The following SMURF2 variants were observed in gnomAD, a reference collection of about 807,000 sequenced individuals.
SMURF2 encodes the protein E3 ubiquitin-protein ligase SMURF2.
Under a neutral mutation model 109.6 loss-of-function variants are expected in SMURF2, and 48 were observed. The observed-to-expected ratio is 0.44, with a 90% CI of 0.35 to 0.56. SMURF2 has a LOEUF of 0.56. Among genes scored for constraint, SMURF2 ranks in the 20% least tolerant of loss-of-function variants. The pLI is 0.01. For synonymous variants in SMURF2, 288 were observed against 317.1 expected, an observed-to-expected ratio of 0.91 and a Z score of 0.97; for missense variants, 575 against 909.0, an observed-to-expected ratio of 0.63 and a Z score of 4.72.
chr17:64,561,554 C>T lies in SMURF2; in HGVS notation c.1262G>A (p.Arg421Gln), dbSNP rs781853124. ...TTCTCCACGAAATTTTATCATTAAT[C>T]GCTTCCAGAGATCTTTTGGTCTCAT... ...MKMRPKDLWKRLMIKFRGEEG... is the reference protein window; with the variant it reads ...MKMRPKDLWKQLMIKFRGEEG... Residue 421 changes from arginine (R) to glutamine (Q), a missense_variant, in exon 12 of 19, where the codon CGA (arginine) becomes CAA (glutamine). Physicochemically the swap from Arg to Gln is conservative, Grantham distance 43. This residue lies in a region of SMURF2 where 361 missense variants were observed against 612.1 expected (regional missense o/e 0.59). Transcript: ENST00000262435. 3.7e-6 allele frequency: 6 copies of T among 1,613,674 alleles called. No homozygotes were observed. The highest frequency in any genetic ancestry group is 1.7e-4 in the Middle Eastern group (1 of 6,044).
At chr17:64,606,721 C>T (rs1969976384) in intron 1 of SMURF2, 81 bp from the exon 2 acceptor site, 5 of 1,032,124 alleles carry the variant, frequency 4.8e-6, no homozygotes, top group African/African-American at 1.7e-5. Flanking sequence ...ACACGGAAAA[C>T]AGCAGTGAAT....
intron 1 of SMURF2, among the ~76,000 whole-genome samples, chr17:64,625,123 G>A (rs190119638): frequency 1.4e-3 from 213 of 152,298 alleles, no homozygotes; most frequent in African/African-American, 5.0e-3. Context: ...AACAATCTCA[G>A]TTTCTGAGGC....
At chr17:64,571,722 CATTT>C in intron 10 of SMURF2, 72 bp downstream of exon 10, 1 of 1,418,632 alleles carries the variant, frequency 7.0e-7, no homozygotes, top group Non-Finnish European at 9.5e-7. Flanking sequence ...TCGAGACTCA[CATTT>C]ATTATTAAAA....
Position 64,590,182 on chromosome 17 carries a change from A to T in SMURF2, c.400+902T>A, listed in dbSNP as rs544544124. Reference sequence around the variant, plus strand: ...TTTGAGACAGGGTCTTGCTCTTGTCACCCAGCTGGAGTGCAATGGTGTGAT... The same window carrying T: ...TTTGAGACAGGGTCTTGCTCTTGTCTCCCAGCTGGAGTGCAATGGTGTGAT... On this transcript the variant is annotated intron_variant, in intron 5 of 18. Transcript: ENST00000262435. 2.9e-5 allele frequency among the ~76,000 whole-genome samples: 4 copies of T among 136,642 alleles called. No homozygotes were observed. In the Admixed American group the frequency reaches 3.2e-4, roughly 11 times the overall value. 89.6% of individuals were successfully genotyped at this position (136,642 alleles called of 152,430 possible).
At chr17:64,586,057 C>A (rs377753555) in intron 6 of SMURF2, 29 bp downstream of exon 6, 2 of 1,445,162 alleles carry the variant, frequency 1.4e-6, no homozygotes, top group Non-Finnish European at 1.9e-6. Context: ...CTATATATTT[C>A]TCTAATGATT....
intron 3 of SMURF2, among the ~76,000 whole-genome samples, chr17:64,595,069 T>G (rs1276599430): frequency 6.6e-6 from 1 of 152,162 alleles, no homozygotes; most frequent in African/African-American, 2.4e-5. Context: ...GAAATACATA[T>G]ATTGATTACC....
chr17:64,584,301 A>G (rs1969617366), intron 6 of SMURF2, among the ~76,000 whole-genome samples: 1 of 144,122 alleles, frequency 6.9e-6, no homozygotes, highest in African/African-American at 2.7e-5. Context: ...CAGGGTGACA[A>G]GAGCGAAACT....
intron 9 of SMURF2, chr17:64,572,817 C>G (rs1322005395): frequency 6.6e-6 from 1 of 152,044 alleles, no homozygotes; most frequent in African/African-American, 2.4e-5. Context: ...CTGTAATAAA[C>G]TGGCAATAGA....
intron 15 of SMURF2, among the ~76,000 whole-genome samples, chr17:64,552,757 A>T (rs1005464124): frequency 6.6e-6 from 1 of 152,104 alleles, no homozygotes; most frequent in Admixed American, 6.6e-5. Flanking sequence ...AGGCTGGAAT[A>T]CAGTGGTGCG....
Position 64,551,573 on chromosome 17 carries a change from A to G in SMURF2, c.1869+11T>C, listed in dbSNP as rs1228258592. ...GTTACACTAGTGATGTTATAATACT[A>G]ATGCACTAACCTCTAACTCCTTCTC... On this transcript the variant is annotated intron_variant, in intron 16 of 18. Coordinates refer to ENST00000262435, the MANE Select transcript of SMURF2 (RefSeq NM_022739.4). 2 of 1,613,122 alleles carry G rather than the reference A, an allele frequency of 1.2e-6. No individual in the cohort carries two copies. Among genetic ancestry groups the G allele is most frequent in the East Asian group, 2.2e-5 (1 of 44,850 alleles).
chr17:64,644,618 A>G (rs549218783), intron 1 of SMURF2, among the ~76,000 whole-genome samples: 12 of 151,704 alleles, frequency 7.9e-5, no homozygotes, highest in Admixed American at 7.9e-4. Flanking sequence ...GAAAAAAAAA[A>G]AAATGCTGAG....
At chr17:64,566,575 T>TTTTTTTTTTTTG (rs1192255959) in intron 10 of SMURF2, among the ~76,000 whole-genome samples, 1,159 of 103,198 alleles carry the variant, frequency 0.011, 110 homozygotes, top group Non-Finnish European at 0.021. Flanking sequence ...TTTTTTTTTT[T>TTTTTTTTTTTTG]TTTTTTTTTT....
Position 64,598,431 on chromosome 17 carries a change from C to T in SMURF2, c.151G>A (p.Asp51Asn). Reference sequence around the variant, plus strand: ...GGATCAAGCGTATTCTTCACAGTATCTGTAGAATGGCATTGCCCAGATCCA... The same window carrying T: ...GGATCAAGCGTATTCTTCACAGTATTTGTAGAATGGCATTGCCCAGATCCA... ...VDGSGQCHSTDTVKNTLDPKW... is the reference protein window; with the variant it reads ...VDGSGQCHSTNTVKNTLDPKW... Residue 51 changes from aspartate (D) to asparagine (N), a missense_variant, in exon 3 of 19, where the codon GAT becomes AAT. Transcript: ENST00000262435. 6.2e-7 allele frequency: 1 copy of T among 1,610,470 alleles called. No individual in the cohort carries two copies. Among genetic ancestry groups the T allele is most frequent in the Non-Finnish European group, 8.5e-7 (1 of 1,179,230 alleles).
chr17:64,584,361 CTTTTTTT>C (rs372682588), intron 6 of SMURF2, among the ~76,000 whole-genome samples: 1 of 112,754 alleles, frequency 8.9e-6, no homozygotes, highest in South Asian at 3.0e-4. Flanking sequence ...CTTTTTTTTT[CTTTTTTT>C]TTTTTTTTTG....
intron 1 of SMURF2, among the ~76,000 whole-genome samples, chr17:64,612,398 T>C (rs1179988759): frequency 1.3e-5 from 2 of 152,062 alleles, no homozygotes; most frequent in African/African-American, 2.4e-5. Flanking sequence ...CCAGGTACTG[T>C]GGCTCATGTC....
intron 1 of SMURF2, among the ~76,000 whole-genome samples, chr17:64,622,752 A>G (rs1970222231): frequency 6.6e-6 from 1 of 152,172 alleles, no homozygotes; most frequent in Admixed American, 6.5e-5. Flanking sequence ...TTTCCACTGT[A>G]AAGTTCCTCT....
intron 16 of SMURF2, among the ~76,000 whole-genome samples, chr17:64,550,991 T>C (rs960166223): frequency 1.3e-5 from 2 of 152,068 alleles, no homozygotes; most frequent in Admixed American, 1.3e-4. Flanking sequence ...AGAATGTACA[T>C]ATAAGTCACG....
At chr17:64,659,538 A>G (rs1385815165) in intron 1 of SMURF2, among the ~76,000 whole-genome samples, 1 of 140,634 alleles carries the variant, frequency 7.1e-6, no homozygotes, top group Non-Finnish European at 1.5e-5. Flanking sequence ...TTTTTTTTTT[A>G]AACAAAATGA....
chr17:64,630,643 T>C (rs2144707632), intron 1 of SMURF2, among the ~76,000 whole-genome samples: 1 of 152,274 alleles, frequency 6.6e-6, no homozygotes, highest in South Asian at 2.1e-4. Flanking sequence ...CACCCAGAGT[T>C]GAAACAATTT....
Sources: allele counts gnomAD v4.1 joint callset (sites outside exome capture counted in the v4.1 genomes callset), GRCh38; gene constraint gnomAD v4.1.1; regional missense constraint gnomAD v4.1.1; transcripts MANE v1.5; gene names NCBI Gene and HGNC (gene_info 2026-07-23, HGNC 2026-07-21).